The following NCF2 variants were observed in gnomAD, a reference collection of about 807,000 sequenced individuals.
NCF2 encodes neutrophil cytosolic factor 2, also known as neutrophil cytosol factor 2.
Under a neutral mutation model 70.9 loss-of-function variants are expected in NCF2, and 45 were observed. The ratio of observed to expected loss-of-function variants is 0.63; its 90% CI spans 0.50 to 0.81. The LOEUF is 0.81. Ranked by LOEUF, NCF2 falls within the 40% of genes least tolerant of loss-of-function variation. NCF2 has a pLI of 0.00. For synonymous variants in NCF2, 203 were observed against 233.6 expected (o/e 0.87, Z 1.19); for missense variants, 522 against 631.6 (o/e 0.83, Z 1.86).
chr1:183,582,494 C>T (rs1180755497), intron 2 of NCF2, among the ~76,000 whole-genome samples: 1 of 152,240 alleles, frequency 6.6e-6, no homozygotes, highest in African/African-American at 2.4e-5. Context: ...TTCTGTAATA[C>T]TCCTGGGAGG....
chr1:183,565,198 A>C (rs996680013), intron 10 of NCF2, among the ~76,000 whole-genome samples: 5 of 152,178 alleles, frequency 3.3e-5, no homozygotes, highest in Non-Finnish European at 5.9e-5. Context: ...CTTCAAGTGC[A>C]CTTCCCAAGA....
intron 13 of NCF2, among the ~76,000 whole-genome samples, chr1:183,562,356 T>A (rs144591832): frequency 8.5e-4 from 129 of 151,716 alleles, no homozygotes; most frequent in Middle Eastern, 3.4e-3. Flanking sequence ...AAACCTAGAG[T>A]GACTTTTCAG....
chr1:183,570,747 C>T, intron 6 of NCF2, 33 bp downstream of exon 6: 9 of 1,609,024 alleles, frequency 5.6e-6, no homozygotes, highest in Non-Finnish European at 7.7e-6. Flanking sequence ...CTCTCGAGAC[C>T]TAGGTCCATG....
the NCF2 span, among the ~76,000 whole-genome samples, chr1:183,596,646 G>A: frequency 2.6e-5 from 4 of 151,958 alleles, no homozygotes; most frequent in Non-Finnish European, 2.9e-5. Context: ...GGAGGCTGAG[G>A]TAGGAGACTC....
intron 2 of NCF2, among the ~76,000 whole-genome samples, chr1:183,584,294 G>A (rs1265055048): frequency 6.6e-6 from 1 of 152,214 alleles, no homozygotes; most frequent in African/African-American, 2.4e-5. Context: ...AGTTGTAAAA[G>A]GGAAAAGGGT....
intron 1 of NCF2, among the ~76,000 whole-genome samples, chr1:183,588,755 G>A (rs1476218705): frequency 6.6e-6 from 1 of 152,216 alleles, no homozygotes; most frequent in Non-Finnish European, 1.5e-5. Context: ...AAGGCAGAAG[G>A]AATGAGAAGG....
chr1:183,576,523 C>T (rs1318693317), intron 3 of NCF2, among the ~76,000 whole-genome samples: 3 of 152,176 alleles, frequency 2.0e-5, no homozygotes, highest in African/African-American at 7.2e-5. Flanking sequence ...TCCCACGATG[C>T]GCAGGACGCA....
At chr1:183,597,793 A>G in the NCF2 span, 1 of 152,252 alleles carries the variant, frequency 6.6e-6, no homozygotes, top group South Asian at 2.1e-4. Flanking sequence ...GTGTCTGGAC[A>G]TACAATAACT....
intron 9 of NCF2, among the ~76,000 whole-genome samples, chr1:183,566,021 G>A (rs1672284586): frequency 1.3e-5 from 2 of 152,300 alleles, no homozygotes; most frequent in South Asian, 2.1e-4. Context: ...CCGCTAAAAC[G>A]CCCTTGCCGC....
At chr1:183,557,824 A>G (rs1362752564) in intron 14 of NCF2, among the ~76,000 whole-genome samples, 1 of 151,784 alleles carries the variant, frequency 6.6e-6, no homozygotes, top group Non-Finnish European at 1.5e-5. Context: ...AGTTCTTCCC[A>G]CTGAGTTACC....
chr1:183,566,278 C>A (rs985115374), intron 9 of NCF2, among the ~76,000 whole-genome samples: 2 of 152,194 alleles, frequency 1.3e-5, no homozygotes, highest in Non-Finnish European at 2.9e-5. Flanking sequence ...ATGCTCAGAT[C>A]TGACAAAGAC....
chr1:183,555,724 G>GT lies in NCF2; in HGVS notation c.*393dup, dbSNP rs771465757. ...GTGTCTTGTTTTTGTAAGATGCTAGGTTTTTTTTTATTGTGGTATGACACA... is the reference window on the plus strand; with the variant it reads ...GTGTCTTGTTTTTGTAAGATGCTAGGTTTTTTTTTTATTGTGGTATGACACA... On this transcript the variant is annotated 3_prime_UTR_variant, in exon 15 of 15. Transcript: ENST00000367535. 2.5e-3 allele frequency: 491 copies of GT among 199,442 alleles called. No homozygotes were observed. The highest frequency in any genetic ancestry group is 4.1e-3 in the Middle Eastern group (2 of 488). 12.4% of individuals were successfully genotyped at this position (199,442 alleles called of 1,614,324 possible).
chr1:183,561,779 C>CTTTTTTTTTTTTT (rs57218247), intron 13 of NCF2, among the ~76,000 whole-genome samples: 1 of 65,162 alleles, frequency 1.5e-5, no homozygotes, highest in Non-Finnish European at 2.7e-5. Context: ...TACCAGGCCT[C>CTTTTTTTTTTTTT]TTTTTTTTTT....
intron 5 of NCF2, among the ~76,000 whole-genome samples, chr1:183,571,830 T>C (rs1672576266): frequency 6.6e-6 from 1 of 152,240 alleles, no homozygotes; most frequent in Admixed American, 6.5e-5. Flanking sequence ...AGATATTTCC[T>C]ATAAACGGAA....
rs1230512140 is a variant in NCF2 at position 183,577,591 on chromosome 1, C to A, written c.366+8G>T. 6.3e-7 allele frequency: 1 copy of A among 1,594,316 alleles called. No homozygotes were observed. Among genetic ancestry groups the A allele is most frequent in the Admixed American group, 1.7e-5 (1 of 59,980 alleles). On this transcript the variant is annotated splice_region_variant and intron_variant, in intron 3 of 14. Transcript: ENST00000367535. ...CCTCCTGCCCAGGCCAGGCCCTGTT[C>A]TCCTTACCTCACAGGCAAACAGCTT...
At chr1:183,559,586 C>T (rs1050409142) in intron 14 of NCF2, among the ~76,000 whole-genome samples, 5 of 152,190 alleles carry the variant, frequency 3.3e-5, no homozygotes, top group South Asian at 2.1e-4. Flanking sequence ...CGGCCAGGTG[C>T]GGTGGCTCAT....
the NCF2 span, among the ~76,000 whole-genome samples, chr1:183,597,075 G>T: frequency 6.6e-6 from 1 of 152,164 alleles, no homozygotes; most frequent in Non-Finnish European, 1.5e-5. Flanking sequence ...AATATGTGCT[G>T]ATCTGAAAAG....
the NCF2 span, among the ~76,000 whole-genome samples, chr1:183,599,450 CTTTCTTT>C: frequency 1.1e-5 from 1 of 91,280 alleles, no homozygotes; most frequent in Non-Finnish European, 2.6e-5. Flanking sequence ...TTCTTTCTTT[CTTTCTTT>C]CTTTCTTTCT....
At chr1:183,557,837 T>C (rs772542216) in intron 14 of NCF2, among the ~76,000 whole-genome samples, 7 of 152,114 alleles carry the variant, frequency 4.6e-5, no homozygotes, top group Non-Finnish European at 7.3e-5. Context: ...GAGTTACCAT[T>C]CTCTCTTGTT....
Sources: gnomAD v4.1 joint callset for allele counts (sites outside exome capture counted in the v4.1 genomes callset) on GRCh38, gnomAD v4.1.1 for gene constraint, MANE v1.5 for transcripts, NCBI Gene and HGNC (gene_info 2026-07-23, HGNC 2026-07-21) for gene names.